The following NUBPL variants were observed in gnomAD, a reference collection of about 807,000 sequenced individuals.
NUBPL encodes iron-sulfur cluster transfer protein NUBPL.
NUBPL carries 31 observed loss-of-function variants against 45.7 expected under a neutral mutation model. The observed-to-expected ratio is 0.68, with a 90% confidence interval of 0.51 to 0.92. The LOEUF is 0.92. NUBPL is among the 40% of genes least tolerant of loss of function. The probability of loss-of-function intolerance (pLI) is 0.00; values close to 1 mark genes in which losing one functional copy is unlikely to be tolerated. For missense variants in NUBPL, 401 were observed against 398.7 expected, an observed-to-expected ratio of 1.01 and a Z score of -0.05; for synonymous variants, 144 against 140.9, an observed-to-expected ratio of 1.02 and a Z score of -0.15.
At chr14:31,755,269 G>A (rs1434432536) in intron 6 of NUBPL, among the ~76,000 whole-genome samples, 3 of 151,948 alleles carry the variant, frequency 2.0e-5, no homozygotes, top group East Asian at 3.9e-4. Context: ...CTGAGGAATC[G>A]CCACACTGAC....
intron 3 of NUBPL, among the ~76,000 whole-genome samples, chr14:31,598,043 C>T (rs1346206934): frequency 1.3e-5 from 2 of 152,080 alleles, no homozygotes; most frequent in African/African-American, 4.8e-5. Context: ...TTATATACCA[C>T]CATTCTATGA....
intron 6 of NUBPL, among the ~76,000 whole-genome samples, chr14:31,740,454 T>A (rs2038259329): frequency 6.6e-6 from 1 of 152,238 alleles, no homozygotes; most frequent in Admixed American, 6.5e-5. Flanking sequence ...ATATCTTATT[T>A]GGTGAGATGT....
chr14:31,660,908 A>G (rs2036252963), intron 4 of NUBPL, among the ~76,000 whole-genome samples: 1 of 152,204 alleles, frequency 6.6e-6, no homozygotes, highest in African/African-American at 2.4e-5. Flanking sequence ...ATTCTAGATC[A>G]GAGTTATCCC....
chr14:31,826,668 T>C lies in NUBPL; in HGVS notation c.647T>C (p.Met216Thr), dbSNP rs910096339. The change falls in exon 8 of 11, where the codon ATG becomes ACG. Residue 216 changes from methionine to threonine, a missense_variant. Transcript: ENST00000281081. Reference protein sequence around the residue: ...IVSTPQDIALMDAHKGAEMFR... With the variant: ...IVSTPQDIALTDAHKGAEMFR... The stretch of plus-strand genomic sequence containing the variant: ...TCCACGCCCCAGGACATCGCATTGA[T>C]GGATGCACACAAGGGTGCTGAGATG... The C allele has an allele frequency of 3.1e-6, 5 of 1,614,052 alleles. No individual in the cohort carries two copies. The highest frequency in any genetic ancestry group is 3.3e-4 in the Middle Eastern group (2 of 6,082).
intron 4 of NUBPL, among the ~76,000 whole-genome samples, chr14:31,613,264 G>A (rs1449761904): frequency 1.3e-5 from 2 of 152,182 alleles, no homozygotes; most frequent in Non-Finnish European, 2.9e-5. Flanking sequence ...CTCATGGACA[G>A]AGAGAGTAGA....
At chr14:31,831,886 A>T (rs1202484911) in intron 8 of NUBPL, among the ~76,000 whole-genome samples, 1 of 152,188 alleles carries the variant, frequency 6.6e-6, no homozygotes, top group Non-Finnish European at 1.5e-5. Flanking sequence ...TCTGATAGAG[A>T]TGAATAAAAA....
chr14:31,765,956 T>C (rs1314504067), intron 6 of NUBPL, among the ~76,000 whole-genome samples: 2 of 152,222 alleles, frequency 1.3e-5, no homozygotes, highest in African/African-American at 4.8e-5. Flanking sequence ...ACTTTAGCCA[T>C]GAGTTAGGTA....
intron 4 of NUBPL, among the ~76,000 whole-genome samples, chr14:31,660,151 T>G (rs2036234011): frequency 6.6e-6 from 1 of 152,196 alleles, no homozygotes; most frequent in Middle Eastern, 3.2e-3. Flanking sequence ...ACAGCATTAT[T>G]TTATTGCCTT....
chr14:31,725,496 A>G (rs1024781602), intron 6 of NUBPL, among the ~76,000 whole-genome samples: 11 of 152,302 alleles, frequency 7.2e-5, no homozygotes, highest in African/African-American at 2.4e-4. Context: ...GATGGGATCC[A>G]AGTCTAAACA....
At chr14:31,801,032 A>G (rs2039578635) in intron 7 of NUBPL, 1 of 152,192 alleles carries the variant, frequency 6.6e-6, no homozygotes, top group Non-Finnish European at 1.5e-5. Flanking sequence ...ACAAGTTGTT[A>G]TTGCCCTTCC....
intron 4 of NUBPL, among the ~76,000 whole-genome samples, chr14:31,622,878 C>T (rs1393620165): frequency 1.3e-5 from 2 of 152,262 alleles, no homozygotes; most frequent in Non-Finnish European, 2.9e-5. Context: ...AGAGTCCCTA[C>T]TGGGGCACTT....
At chr14:31,641,882 C>T (rs867461304) in intron 4 of NUBPL, among the ~76,000 whole-genome samples, 7 of 152,082 alleles carry the variant, frequency 4.6e-5, no homozygotes, top group East Asian at 3.9e-4. Context: ...TTTAACTGGC[C>T]GTTTTATACT....
At chr14:31,742,769 ATTTT>A (rs34130229) in intron 6 of NUBPL, among the ~76,000 whole-genome samples, 2 of 136,378 alleles carry the variant, frequency 1.5e-5, no homozygotes, top group Non-Finnish European at 1.6e-5. Context: ...AACCCAGCTG[ATTTT>A]TTTTTTTTTT....
intron 6 of NUBPL, among the ~76,000 whole-genome samples, chr14:31,738,128 C>G (rs1466441067): frequency 6.6e-6 from 1 of 152,162 alleles, no homozygotes; most frequent in Non-Finnish European, 1.5e-5. Flanking sequence ...TATTATAACT[C>G]AACATATTCT....
At chr14:31,565,421 A>G (rs2033410723) in intron 3 of NUBPL, among the ~76,000 whole-genome samples, 1 of 152,184 alleles carries the variant, frequency 6.6e-6, no homozygotes, top group Admixed American at 6.5e-5. Flanking sequence ...ACAAAATTCA[A>G]ATGGAATACG....
At chr14:31,759,178 T>A (rs7493492) in intron 6 of NUBPL, among the ~76,000 whole-genome samples, 44,819 of 152,110 alleles carry the variant, frequency 0.29, 7,489 homozygotes, top group South Asian at 0.41. Context: ...TCTGAGAAGA[T>A]TTTGTAATTT....
At chr14:31,580,539 A>T (rs1006238879) in intron 3 of NUBPL, among the ~76,000 whole-genome samples, 4 of 152,184 alleles carry the variant, frequency 2.6e-5, no homozygotes, top group African/African-American at 9.7e-5. Context: ...ACTTGAGCCC[A>T]GGAGTTCGAG....
At chr14:31,744,850 G>A (rs533443927) in intron 6 of NUBPL, among the ~76,000 whole-genome samples, 17 of 151,660 alleles carry the variant, frequency 1.1e-4, no homozygotes, top group Admixed American at 5.9e-4. Context: ...TTGAACTCCC[G>A]ACCTTGTGTT....
At chr14:31,665,595 CTGTT>C (rs1209064686) in intron 4 of NUBPL, among the ~76,000 whole-genome samples, 3 of 152,102 alleles carry the variant, frequency 2.0e-5, no homozygotes, top group South Asian at 2.1e-4. Context: ...GAGAGAGAGA[CTGTT>C]TGTTATGATT....
Sources: allele counts gnomAD v4.1 joint callset (sites outside exome capture counted in the v4.1 genomes callset), GRCh38; gene constraint gnomAD v4.1.1; transcripts MANE v1.5; gene names NCBI Gene and HGNC (gene_info 2026-07-23, HGNC 2026-07-21).